EYS: variants seen among roughly 807,000 people sequenced by gnomAD.
The protein encoded by EYS is protein eyes shut homolog.
In EYS, 250 loss-of-function variants were observed where a neutral mutation model predicts 282.1. The observed-to-expected ratio is 0.89, with a 90% CI of 0.80 to 0.98. EYS has a LOEUF of 0.98. Among genes scored for constraint, EYS ranks in the 50% least tolerant of loss-of-function variants. The pLI is 0.00. For missense variants in EYS, 4,016 were observed against 3,709.0 expected (o/e 1.08, Z -2.15); for synonymous variants, 1,355 against 1,282.9 (o/e 1.06, Z -1.20).
intron 35 of EYS, among the ~76,000 whole-genome samples, chr6:63,923,578 T>C (rs1310331387): frequency 1.3e-5 from 2 of 152,214 alleles, no homozygotes; most frequent in African/African-American, 2.4e-5. Context: ...TTATATTTAA[T>C]ACTTTCAACA....
intron 11 of EYS, among the ~76,000 whole-genome samples, chr6:65,306,758 G>A (rs2150295437): frequency 7.6e-6 from 1 of 131,264 alleles, no homozygotes; most frequent in Admixed American, 8.8e-5. Flanking sequence ...GTGTGAACCT[G>A]GGAGGCGGAG....
At chr6:65,342,702 A>T (rs1327910720) in intron 10 of EYS, among the ~76,000 whole-genome samples, 2 of 150,606 alleles carry the variant, frequency 1.3e-5, no homozygotes, top group African/African-American at 4.8e-5. Flanking sequence ...TTTGCCTATG[A>T]TAAAAGTTGT....
chr6:65,088,602 G>A (rs1326124811), intron 12 of EYS, among the ~76,000 whole-genome samples: 5 of 152,266 alleles, frequency 3.3e-5, no homozygotes, highest in South Asian at 2.1e-4. Flanking sequence ...GGGCATGAAA[G>A]TTCAGAAATT....
At chr6:64,284,605 C>T (rs1768429939) in intron 30 of EYS, among the ~76,000 whole-genome samples, 1 of 152,200 alleles carries the variant, frequency 6.6e-6, no homozygotes, top group Admixed American at 6.5e-5. Context: ...CCACATTTCC[C>T]TTCTTCATTG....
At chr6:63,803,168 C>T (rs1040236647) in intron 37 of EYS, among the ~76,000 whole-genome samples, 16 of 151,452 alleles carry the variant, frequency 1.1e-4, no homozygotes, top group East Asian at 7.7e-4. Context: ...CCCTATTTGA[C>T]TCTATCAGGA....
chr6:64,982,107 G>A (rs1770694891), intron 14 of EYS, among the ~76,000 whole-genome samples: 1 of 151,306 alleles, frequency 6.6e-6, no homozygotes, highest in Non-Finnish European at 1.5e-5. Flanking sequence ...TAATTAGTGG[G>A]TGTGGCAAAT....
chr6:63,852,703 C>G (rs866599596), intron 36 of EYS, among the ~76,000 whole-genome samples: 25 of 152,186 alleles, frequency 1.6e-4, no homozygotes, highest in African/African-American at 5.8e-4. Context: ...AGGCCAGTAT[C>G]CCTGATGAAC....
At position 64,513,779 on chromosome 6, in the gene EYS, A is replaced by G. The variant is rs566950266; in HGVS notation, c.5645-74427T>C. On this transcript the variant is annotated intron_variant, in intron 26 of 42. Coordinates refer to ENST00000503581, the MANE Select transcript of EYS (RefSeq NM_001142800.2). ...AATTTTGGTGTGCCTGGACTGGAGG[A>G]AAACAATTTTGATTAACATGAAGAA... Among the ~76,000 whole-genome samples the G allele has an allele frequency of 2.0e-5, 3 of 151,980 alleles. No homozygotes were observed. The East Asian group carries it at 5.8e-4, about 30-fold the overall frequency.
chr6:63,844,810 G>A (rs1772056309), intron 36 of EYS, among the ~76,000 whole-genome samples: 1 of 152,052 alleles, frequency 6.6e-6, no homozygotes, highest in African/African-American at 2.4e-5. Flanking sequence ...TCTGTAGGTT[G>A]CCTGTTCACT....
intron 12 of EYS, among the ~76,000 whole-genome samples, chr6:65,061,713 A>G (rs553976396): frequency 6.6e-6 from 1 of 151,964 alleles, no homozygotes; most frequent in South Asian, 2.1e-4. Flanking sequence ...CTGAATTTTA[A>G]TCTGTTACTT....
chr6:64,652,752 C>T (rs1291643059), intron 22 of EYS, among the ~76,000 whole-genome samples: 1 of 151,828 alleles, frequency 6.6e-6, no homozygotes, highest in East Asian at 2.0e-4. Context: ...AAATGGAAAC[C>T]TCCTCTACAT....
chr6:65,117,300 T>C (rs1322833127), intron 12 of EYS, among the ~76,000 whole-genome samples: 1 of 152,214 alleles, frequency 6.6e-6, no homozygotes, highest in East Asian at 1.9e-4. Flanking sequence ...AAGCACCTTC[T>C]AAAGCTATTT....
intron 33 of EYS, among the ~76,000 whole-genome samples, chr6:64,033,911 A>G (rs1031543595): frequency 6.6e-6 from 1 of 152,214 alleles, no homozygotes; most frequent in African/African-American, 2.4e-5. Flanking sequence ...AATCTAAAGA[A>G]TTTGGCCTTA....
At chr6:64,558,289 A>T (rs1272467717) in intron 26 of EYS, among the ~76,000 whole-genome samples, 3 of 152,148 alleles carry the variant, frequency 2.0e-5, no homozygotes, top group Non-Finnish European at 2.9e-5. Context: ...TTTGCTGTAG[A>T]GTAATTTTCA....
intron 13 of EYS, among the ~76,000 whole-genome samples, chr6:65,036,983 T>C (rs1191620953): frequency 1.3e-5 from 2 of 151,898 alleles, no homozygotes; most frequent in African/African-American, 4.8e-5. Context: ...GAATATAAAT[T>C]GTTCTACCAT....
At chr6:65,448,823 T>C (rs1322304850) in intron 5 of EYS, among the ~76,000 whole-genome samples, 9 of 152,050 alleles carry the variant, frequency 5.9e-5, no homozygotes, top group Non-Finnish European at 7.4e-5. Flanking sequence ...TTGATGAAAA[T>C]AGTGGTCAAA....
intron 12 of EYS, among the ~76,000 whole-genome samples, chr6:65,107,216 T>C (rs1775064282): frequency 6.6e-6 from 1 of 151,964 alleles, no homozygotes; most frequent in Non-Finnish European, 1.5e-5. Flanking sequence ...TAATTTTACC[T>C]TCGTCATAAA....
intron 22 of EYS, among the ~76,000 whole-genome samples, chr6:64,656,878 T>G (rs1159465074): frequency 1.3e-5 from 2 of 152,058 alleles, no homozygotes; most frequent in Non-Finnish European, 2.9e-5. Flanking sequence ...AATGGTAGGA[T>G]GAGAGGAGTA....
chr6:64,028,214 AG>A (rs1287386567), intron 33 of EYS, among the ~76,000 whole-genome samples: 1 of 152,252 alleles, frequency 6.6e-6, no homozygotes, highest in Non-Finnish European at 1.5e-5. Context: ...GGGCATTGGA[AG>A]GACAATTTGG....
Sources: gnomAD v4.1 joint callset for allele counts (sites outside exome capture counted in the v4.1 genomes callset) on GRCh38, gnomAD v4.1.1 for gene constraint, MANE v1.5 for transcripts, NCBI Gene and HGNC (gene_info 2026-07-23, HGNC 2026-07-21) for gene names.